TAFA5: variants seen among roughly 807,000 people sequenced by gnomAD.
TAFA5 encodes the protein chemokine-like protein TAFA-5.
In TAFA5, 6 loss-of-function variants were observed where a neutral mutation model predicts 15.3. The observed-to-expected ratio is 0.39, with a 90% CI of 0.21 to 0.77. The LOEUF (loss-of-function observed/expected upper bound fraction) is 0.77. TAFA5 is among the 30% of genes least tolerant of loss of function. The pLI is 0.41. For synonymous variants in TAFA5, 103 were observed against 80.7 expected (o/e 1.28, Z -1.48); for missense variants, 161 against 193.1 (o/e 0.83, Z 0.98).
chr22:48,605,989 T>C (rs918983150), intron 1 of TAFA5, among the ~76,000 whole-genome samples: 2 of 152,152 alleles, frequency 1.3e-5, no homozygotes, highest in Non-Finnish European at 2.9e-5. Context: ...GCTGGGTGGC[T>C]GGAGGAGGCA....
At chr22:48,586,305 G>T (rs1043715713) in intron 1 of TAFA5, among the ~76,000 whole-genome samples, 12 of 152,268 alleles carry the variant, frequency 7.9e-5, no homozygotes, top group African/African-American at 2.9e-4. Context: ...GCTGCAGGCT[G>T]CATCACCCGT....
chr22:48,631,779 T>G (rs936711219), intron 1 of TAFA5, among the ~76,000 whole-genome samples: 11 of 152,180 alleles, frequency 7.2e-5, no homozygotes, highest in African/African-American at 2.4e-4. Flanking sequence ...TTGCTAGACA[T>G]CGCGGAATGT....
Position 48,490,673 on chromosome 22 carries a change from C to G in TAFA5, c.112+969C>G, listed in dbSNP as rs1431095189. ...CTGGTCGGCTTCAGCTCCGGGAGCTCCGGGCTTCTTGTCTTCAGCGGGAGA... is the reference window on the plus strand; with the variant it reads ...CTGGTCGGCTTCAGCTCCGGGAGCTGCGGGCTTCTTGTCTTCAGCGGGAGA... On this transcript the variant is annotated intron_variant, in intron 1 of 3. Coordinates refer to ENST00000402357, the MANE Select transcript of TAFA5 (RefSeq NM_001082967.3). The surrounding 1 kb of genome is among the most constrained non-coding windows in gnomAD (Gnocchi z 5.8). 1.3e-5 allele frequency among the ~76,000 whole-genome samples: 2 copies of G among 151,124 alleles called. No individual in the cohort carries two copies.
intron 2 of TAFA5, among the ~76,000 whole-genome samples, chr22:48,699,645 C>T (rs1377086686): frequency 2.6e-5 from 4 of 152,174 alleles, no homozygotes; most frequent in Non-Finnish European, 4.4e-5. Context: ...CCAGAGCTCT[C>T]CTGGAAGGCA....
chr22:48,561,595 AGGGCT>A (rs1390134810), intron 1 of TAFA5, among the ~76,000 whole-genome samples: 1 of 152,128 alleles, frequency 6.6e-6, no homozygotes, highest in Non-Finnish European at 1.5e-5. Context: ...CTGGGTTGGC[AGGGCT>A]GGAATGCTTG....
intron 3 of TAFA5, among the ~76,000 whole-genome samples, chr22:48,737,793 G>A (rs1161017125): frequency 6.6e-6 from 1 of 152,234 alleles, no homozygotes; most frequent in Non-Finnish European, 1.5e-5. Context: ...GGCCTCCGCA[G>A]GGCAAATGGG....
At chr22:48,526,704 C>T (rs770862997) in intron 1 of TAFA5, among the ~76,000 whole-genome samples, 3 of 152,156 alleles carry the variant, frequency 2.0e-5, no homozygotes, top group Non-Finnish European at 2.9e-5. Context: ...GAGTTTTCAT[C>T]GTGAGAAGAA....
chr22:48,677,377 G>T (rs937779469), intron 2 of TAFA5, among the ~76,000 whole-genome samples: 1 of 152,260 alleles, frequency 6.6e-6, no homozygotes, highest in Non-Finnish European at 1.5e-5. Flanking sequence ...GGATGCCGGG[G>T]TCGGTGGAGG....
chr22:48,735,649 C>T (rs1385933782), intron 3 of TAFA5, among the ~76,000 whole-genome samples: 2 of 152,214 alleles, frequency 1.3e-5, no homozygotes, highest in Admixed American at 6.5e-5. Flanking sequence ...GAAATTTGTA[C>T]TCATGATGCT....
intron 2 of TAFA5, among the ~76,000 whole-genome samples, chr22:48,659,182 G>A (rs938501703): frequency 6.6e-6 from 1 of 152,220 alleles, no homozygotes; most frequent in Non-Finnish European, 1.5e-5. Context: ...CCTCACTCTG[G>A]GCCCTCGTCC....
At chr22:48,716,694 G>A (rs1188811610) in intron 3 of TAFA5, among the ~76,000 whole-genome samples, 2 of 152,184 alleles carry the variant, frequency 1.3e-5, no homozygotes, top group Non-Finnish European at 2.9e-5. Context: ...ATTTTAATAA[G>A]AGCCTGGAGA....
At chr22:48,580,473 C>T (rs922064037) in intron 1 of TAFA5, among the ~76,000 whole-genome samples, 14 of 152,188 alleles carry the variant, frequency 9.2e-5, no homozygotes, top group African/African-American at 1.9e-4. Context: ...TTGCTGAATG[C>T]GTACAGCCAT....
chr22:48,671,629 C>G (rs73889544), intron 2 of TAFA5, among the ~76,000 whole-genome samples: 3,095 of 152,226 alleles, frequency 0.02, 104 homozygotes, highest in African/African-American at 0.072. Context: ...TGAGTTTAAA[C>G]CAGACATGAA....
At chr22:48,589,986 CGTGTGT>C (rs35969553) in intron 1 of TAFA5, among the ~76,000 whole-genome samples, 97 of 149,762 alleles carry the variant, frequency 6.5e-4, no homozygotes, top group African/African-American at 1.8e-3. Flanking sequence ...TTGCAGCCGA[CGTGTGT>C]GTGTGTGTGT....
rs547413261 is a variant in TAFA5 at position 48,533,591 on chromosome 22, C to G, written c.112+43887C>G. On this transcript the variant is annotated intron_variant, in intron 1 of 3. Coordinates refer to ENST00000402357, the MANE Select transcript of TAFA5 (RefSeq NM_001082967.3). ...CTGAAACGCCAGGAAGGGGTCACAC[C>G]CCAAGCAGTGAGGCCCTCGGGAGAT... 3.0e-3 allele frequency among the ~76,000 whole-genome samples: 456 copies of G among 152,236 alleles called. 1 individual carries two copies. The highest frequency in any genetic ancestry group is 5.3e-3 in the Non-Finnish European group (358 of 68,018).
rs147373396 is a variant in TAFA5 at position 48,671,986 on chromosome 22, T to C, written c.262+25240T>C. Among the ~76,000 whole-genome samples the C allele has an allele frequency of 2.8e-3, 429 of 152,366 alleles. 15 individuals are homozygous for C. The East Asian group carries it at 0.063, about 23-fold the overall frequency. On this transcript the variant is annotated intron_variant, in intron 2 of 3. Coordinates refer to ENST00000402357, the MANE Select transcript of TAFA5 (RefSeq NM_001082967.3). Reference sequence around the variant, plus strand: ...AGCTATGTGTCTTTGAAGCAATCCCTGAACCTCTCCAAGTCTCAGTTTTCT... The same window carrying C: ...AGCTATGTGTCTTTGAAGCAATCCCCGAACCTCTCCAAGTCTCAGTTTTCT...
At chr22:48,708,306 T>C (rs1929146861) in intron 3 of TAFA5, among the ~76,000 whole-genome samples, 1 of 152,122 alleles carries the variant, frequency 6.6e-6, no homozygotes, top group African/African-American at 2.4e-5. Context: ...CTTCCGTCCC[T>C]GGGCCTGGCC....
chr22:48,702,000 C>T (rs1928922586), intron 2 of TAFA5, among the ~76,000 whole-genome samples: 1 of 152,142 alleles, frequency 6.6e-6, no homozygotes, highest in Non-Finnish European at 1.5e-5. Context: ...CAGAGGGGAC[C>T]TGGGGTGGTG....
chr22:48,506,461 C>T lies in TAFA5; in HGVS notation c.112+16757C>T, dbSNP rs187690940. 6.6e-5 allele frequency among the ~76,000 whole-genome samples: 10 copies of T among 152,324 alleles called. No homozygotes were observed. The East Asian group carries it at 1.4e-3, about 21-fold the overall frequency. On this transcript the variant is annotated intron_variant, in intron 1 of 3. Coordinates refer to ENST00000402357, the MANE Select transcript of TAFA5 (RefSeq NM_001082967.3). The stretch of plus-strand genomic sequence containing the variant: ...TTCTGCTAGACTAGTGTGACAAAAA[C>T]GCGGCATGTCCAGGGTGTAGGGCTC...
Sources: allele counts gnomAD v4.1 joint callset (sites outside exome capture counted in the v4.1 genomes callset), GRCh38; gene constraint gnomAD v4.1.1; non-coding constraint Gnocchi (gnomAD v3.1); transcripts MANE v1.5; gene names NCBI Gene and HGNC (gene_info 2026-07-23, HGNC 2026-07-21).